The following FMN2 variants were observed in gnomAD, a reference collection of about 807,000 sequenced individuals.
FMN2 encodes the protein formin 2.
In FMN2, 51 loss-of-function variants were observed where a neutral mutation model predicts 142.3. The observed-to-expected ratio is 0.36, with a 90% CI of 0.29 to 0.45. The LOEUF is 0.45. FMN2 is among the 20% of genes least tolerant of loss of function. FMN2 has a pLI of 1.00. For missense variants in FMN2, 1,936 were observed against 2,122.8 expected, an observed-to-expected ratio of 0.91 and a Z score of 1.73; for synonymous variants, 882 against 869.8, an observed-to-expected ratio of 1.01 and a Z score of -0.25.
chr1:240,148,971 C>CAAAAAAA (rs57556688), intron 2 of FMN2, among the ~76,000 whole-genome samples: 51 of 143,882 alleles, frequency 3.5e-4, no homozygotes, highest in South Asian at 1.3e-3. Context: ...GACTCCGTCT[C>CAAAAAAA]AAAAAAAAAT....
intron 16 of FMN2, among the ~76,000 whole-genome samples, chr1:240,453,120 G>A (rs1292897234): frequency 1.3e-5 from 2 of 152,178 alleles, no homozygotes; most frequent in Non-Finnish European, 2.9e-5. Flanking sequence ...GAGACACAGA[G>A]TATAAAACAT....
chr1:240,233,782 C>T (rs992914033), intron 6 of FMN2, among the ~76,000 whole-genome samples: 21 of 152,056 alleles, frequency 1.4e-4, no homozygotes, highest in Admixed American at 6.6e-4. Context: ...TTTCTGTATG[C>T]GCATAAAAAG....
chr1:240,093,254 C>T lies in FMN2; in HGVS notation c.1145C>T (p.Pro382Leu). The change falls in exon 1 of 18, where the codon CCG (proline) becomes CTG (leucine). Residue 382 changes from proline to leucine, a missense_variant. Transcript: ENST00000319653. Reference protein sequence around the residue: ...EDAPQRLGEEPEEEAQGPDAP... With the variant: ...EDAPQRLGEELEEEAQGPDAP... ...GCCCCGCAGAGGCTGGGGGAAGAGC[C>T]GGAGGAGGAGGCGCAAGGACCTGAC... 1 of 1,583,728 alleles carries T rather than the reference C, an allele frequency of 6.3e-7. No homozygotes were observed. The highest frequency in any genetic ancestry group is 8.6e-7 in the Non-Finnish European group (1 of 1,165,658).
chr1:240,444,186 G>A (rs1451639761), intron 16 of FMN2, among the ~76,000 whole-genome samples: 1 of 152,226 alleles, frequency 6.6e-6, no homozygotes, highest in East Asian at 1.9e-4. Context: ...ATATGGAGTC[G>A]TACTGGACAC....
chr1:240,418,028 T>G (rs1324890146), intron 15 of FMN2, among the ~76,000 whole-genome samples: 2 of 152,152 alleles, frequency 1.3e-5, no homozygotes, highest in African/African-American at 4.8e-5. Context: ...CACGCTTTCT[T>G]TTCACATTTT....
At chr1:240,427,571 G>A (rs879319970) in intron 15 of FMN2, among the ~76,000 whole-genome samples, 3 of 152,168 alleles carry the variant, frequency 2.0e-5, no homozygotes, top group Non-Finnish European at 4.4e-5. Context: ...ACCATTATAA[G>A]TAGATGATAT....
At chr1:240,221,388 C>T (rs1338729701) in intron 6 of FMN2, among the ~76,000 whole-genome samples, 1 of 152,060 alleles carries the variant, frequency 6.6e-6, no homozygotes, top group Non-Finnish European at 1.5e-5. Context: ...TGTTATTTCC[C>T]AACTTTTTAA....
chr1:240,330,898 A>G, intron 11 of FMN2, 149 bp downstream of exon 11: 1 of 890,966 alleles, frequency 1.1e-6, no homozygotes, highest in Middle Eastern at 2.9e-4. Context: ...AGTAATGTCC[A>G]TCAGATATTT....
At chr1:240,240,649 T>C (rs1395946549) in intron 6 of FMN2, among the ~76,000 whole-genome samples, 2 of 152,248 alleles carry the variant, frequency 1.3e-5, no homozygotes, top group South Asian at 2.1e-4. Context: ...GTATTGGTTT[T>C]CTTATATTTT....
chr1:240,231,951 T>C (rs906820532), intron 6 of FMN2, among the ~76,000 whole-genome samples: 2 of 152,246 alleles, frequency 1.3e-5, no homozygotes, highest in Non-Finnish European at 2.9e-5. Context: ...TCCTTCCTGG[T>C]AACATCTTCC....
At chr1:240,331,386 G>A (rs1396693737) in intron 11 of FMN2, among the ~76,000 whole-genome samples, 1 of 152,080 alleles carries the variant, frequency 6.6e-6, no homozygotes, top group Non-Finnish European at 1.5e-5. Flanking sequence ...GAAATATGAG[G>A]TTAGGAATGA....
intron 7 of FMN2, among the ~76,000 whole-genome samples, chr1:240,268,840 GTCT>G (rs1417342692): frequency 2.6e-5 from 4 of 151,924 alleles, no homozygotes; most frequent in Admixed American, 6.6e-5. Context: ...CCATTTGTAT[GTCT>G]TCTTCTGAGA....
intron 5 of FMN2, among the ~76,000 whole-genome samples, chr1:240,209,310 G>C (rs1385379672): frequency 6.6e-6 from 1 of 151,146 alleles, no homozygotes; most frequent in African/African-American, 2.4e-5. Flanking sequence ...GAGTGCAGCG[G>C]TGCAGCCTCG....
Position 240,184,236 on chromosome 1 carries a change from CTTTTT to C in FMN2, c.1931-3951_1931-3947del, listed in dbSNP as rs34050336. 7.0e-3 allele frequency among the ~76,000 whole-genome samples: 554 copies of C among 79,448 alleles called. 3 individuals carry two copies. Among genetic ancestry groups the C allele is most frequent in the African/African-American group, 0.024 (475 of 20,008 alleles). 52.1% of individuals were successfully genotyped at this position (79,448 alleles called of 152,430 possible). ...AACTTTTTAAAATGGAATATTTAAC[CTTTTT>C]TTTTTTTTTTTTTTTTTTTGAGACT... On this transcript the variant is annotated intron_variant, in intron 3 of 17. Transcript: ENST00000319653.
intron 4 of FMN2, among the ~76,000 whole-genome samples, chr1:240,204,147 A>C (rs1666237010): frequency 6.6e-6 from 1 of 151,954 alleles, no homozygotes; most frequent in African/African-American, 2.4e-5. Flanking sequence ...TTTTTTTAAC[A>C]ATAGAAAATT....
intron 3 of FMN2, chr1:240,179,429 A>C (rs1442406873): frequency 6.6e-6 from 1 of 152,176 alleles, no homozygotes; most frequent in Non-Finnish European, 1.5e-5. Flanking sequence ...TGAGATGTCC[A>C]GTGCTTTTGA....
At chr1:240,116,929 G>A (rs531543621) in intron 1 of FMN2, among the ~76,000 whole-genome samples, 1 of 152,174 alleles carries the variant, frequency 6.6e-6, no homozygotes, top group African/African-American at 2.4e-5. Context: ...AAATGGAATC[G>A]TAGCTGGGAG....
At chr1:240,245,529 TA>T (rs751170928) in intron 6 of FMN2, 11 of 471,394 alleles carry the variant, frequency 2.3e-5, no homozygotes, top group Non-Finnish European at 4.4e-5. Flanking sequence ...GACTGAGCTC[TA>T]GGGGTTGTGA....
At position 240,206,908 on chromosome 1, in the gene FMN2, C is replaced by A. The variant is rs779178707; in HGVS notation, c.2096C>A (p.Ala699Asp). Residue 699 changes from alanine to aspartate, a missense_variant, in exon 5 of 18, where the codon GCC (alanine) becomes GAC (aspartate). Around this residue, in one of 8 missense-constraint regions of FMN2, gnomAD observed 478 missense variants for 462.8 expected, o/e 1.03. Transcript: ENST00000319653. ...KIAELERQYP[A>D]LDTEVASGHQ... Reference sequence around the variant, plus strand: ...GCTGAACTAGAGAGGCAGTATCCTGCCCTGGACACAGAGGTGGCCAGTGGT... The same window carrying A: ...GCTGAACTAGAGAGGCAGTATCCTGACCTGGACACAGAGGTGGCCAGTGGT... 6.2e-6 allele frequency: 10 copies of A among 1,614,172 alleles called. No individual in the cohort carries two copies. Among genetic ancestry groups the A allele is most frequent in the Admixed American group, 3.3e-5 (2 of 60,024 alleles).
Sources: gnomAD v4.1 joint callset for allele counts (sites outside exome capture counted in the v4.1 genomes callset) on GRCh38, gnomAD v4.1.1 for gene constraint, gnomAD v4.1.1 regional missense constraint, MANE v1.5 for transcripts, NCBI Gene and HGNC (gene_info 2026-07-23, HGNC 2026-07-21) for gene names.